SLC47A2: variants seen among roughly 807,000 people sequenced by gnomAD.
SLC47A2 encodes the protein solute carrier family 47 member 2.
Under a neutral mutation model 67.7 loss-of-function variants are expected in SLC47A2, and 52 were observed. That is an observed-to-expected ratio of 0.77 (90% CI 0.61 to 0.97). The LOEUF (loss-of-function observed/expected upper bound fraction) is 0.97. Among genes scored for constraint, SLC47A2 ranks in the 50% least tolerant of loss-of-function variants. The probability of loss-of-function intolerance (pLI) is 0.00; values close to 1 mark genes in which losing one functional copy is unlikely to be tolerated. For synonymous variants in SLC47A2, 278 were observed against 292.9 expected (o/e 0.95, Z 0.52); for missense variants, 676 against 712.3 (o/e 0.95, Z 0.58).
intron 13 of SLC47A2, among the ~76,000 whole-genome samples, chr17:19,684,810 G>A (rs549007807): frequency 5.3e-5 from 8 of 151,428 alleles, no homozygotes; most frequent in Admixed American, 1.3e-4. Flanking sequence ...ACTACTTTTC[G>A]CCCTCTCCCT....
intron 15 of SLC47A2, among the ~76,000 whole-genome samples, chr17:19,680,687 A>G (rs1267998171): frequency 6.6e-6 from 1 of 152,130 alleles, no homozygotes; most frequent in African/African-American, 2.4e-5. Context: ...TAAAAAGGAC[A>G]TCAAAGAGGA....
At chr17:19,708,249 AGAGCTCAGT>A (rs1292781374) in intron 7 of SLC47A2, 44 bp downstream of exon 7, 1 of 1,590,418 alleles carries the variant, frequency 6.3e-7, no homozygotes, top group African/African-American at 1.3e-5. Context: ...CCAGGGGTGG[AGAGCTCAGT>A]GGGCAGTGTC....
intron 15 of SLC47A2, among the ~76,000 whole-genome samples, chr17:19,680,490 ATG>A (rs1252539094): frequency 6.6e-6 from 1 of 152,146 alleles, no homozygotes; most frequent in Non-Finnish European, 1.5e-5. Flanking sequence ...AAATAAATAA[ATG>A]TATCATTTTA....
intron 13 of SLC47A2, among the ~76,000 whole-genome samples, chr17:19,688,457 G>A (rs1284702376): frequency 1.3e-5 from 2 of 152,166 alleles, no homozygotes; most frequent in Non-Finnish European, 2.9e-5. Flanking sequence ...AACAGGACAA[G>A]GATACCCACT....
chr17:19,713,820 CGCACCTGGACACGTCCGGGTCCT>C lies in SLC47A2; in HGVS notation c.425_443+4del. The C allele has an allele frequency of 6.2e-7, 1 of 1,605,976 alleles. No individual in the cohort carries two copies. Among genetic ancestry groups the C allele is most frequent in the Non-Finnish European group, 8.5e-7 (1 of 1,175,396 alleles). On this transcript the variant is annotated splice_donor_variant and splice_donor_region_variant and coding_sequence_variant and intron_variant, in exon 4 of 17. Transcript: ENST00000433844. LOFTEE classifies it high-confidence loss of function. ...CCCCACCTCCCCAGCCGGAGCCCAG[CGCACCTGGACACGTCCGGGTCCT>C]GCCGGAAGAGCAGCAGGATGTGCTG...
intron 9 of SLC47A2, 32 bp downstream of exon 9, chr17:19,706,616 C>G: frequency 6.5e-7 from 1 of 1,527,648 alleles, no homozygotes; most frequent in Non-Finnish European, 8.8e-7. Flanking sequence ...GCCGCCCACA[C>G]GCCATTGCGC....
chr17:19,712,813 G>T, intron 4 of SLC47A2, 68 bp from the exon 5 acceptor site: 2 of 1,494,586 alleles, frequency 1.3e-6, no homozygotes, highest in Non-Finnish European at 1.8e-6. Flanking sequence ...CCTCTCCCCT[G>T]TGTCCTCCAG....
rs748319570 is a variant in SLC47A2, at chr17:19,702,607, A to G, written c.1162T>C (p.Cys388Arg). 6.2e-7 allele frequency: 1 copy of G among 1,613,954 alleles called. No individual in the cohort carries two copies. The highest frequency in any genetic ancestry group is 1.7e-5 in the Admixed American group (1 of 60,008). ...CTTTGGATCAAAGTGGTACTTACACAGATGGCCTCAAACACGTGAAAGACA... is the reference window on the plus strand; with the variant it reads ...CTTTGGATCAAAGTGGTACTTACACGGATGGCCTCAAACACGTGAAAGACA... ...YSVFHVFEAI[C>R]CVYGGVLRGT... is the part of the protein sequence containing the mutation. Residue 388 changes from cysteine (C) to arginine (R), a missense_variant and splice_region_variant, in exon 13 of 17, where the codon TGT (cysteine) becomes CGT (arginine). Transcript: ENST00000433844.
At chr17:19,702,369 T>G in intron 13 of SLC47A2, 1 of 985,446 alleles carries the variant, frequency 1.0e-6, no homozygotes. Flanking sequence ...AATTTTTCAG[T>G]TCTTTGCTAA....
chr17:19,705,339 G>T, intron 10 of SLC47A2, 97 bp downstream of exon 10: 1 of 1,343,442 alleles, frequency 7.4e-7, no homozygotes. Flanking sequence ...TCCTTCGGGA[G>T]ACAGAGATAG....
Position 19,714,777 on chromosome 17 carries a change from A to G in SLC47A2, c.238T>C (p.Cys80Arg). ...VTLAVAFVNVCGVSVGVGLSS... is the reference protein window; with the variant it reads ...VTLAVAFVNVRGVSVGVGLSS... ...AAACCAACTCCTACAGAAACTCCGC[A>G]GACATTGACAAACTGGCGCCACACA... Residue 80 changes from cysteine to arginine, a missense_variant, in exon 3 of 17, where the codon TGC becomes CGC. Transcript: ENST00000433844. 1 of 1,614,110 alleles carries G rather than the reference A, an allele frequency of 6.2e-7. No individual in the cohort carries two copies. The highest frequency in any genetic ancestry group is 8.5e-7 in the Non-Finnish European group (1 of 1,180,054).
At chr17:19,695,753 C>T (rs984799488) in intron 13 of SLC47A2, among the ~76,000 whole-genome samples, 29 of 149,884 alleles carry the variant, frequency 1.9e-4, no homozygotes, top group Admixed American at 3.3e-4. Flanking sequence ...GGTGGAGTTT[C>T]GCTCTTGTCA....
intron 5 of SLC47A2, among the ~76,000 whole-genome samples, 174 bp downstream of exon 5, chr17:19,712,529 A>AT (rs1041319441): frequency 3.3e-5 from 5 of 152,022 alleles, no homozygotes; most frequent in Admixed American, 1.3e-4. Flanking sequence ...ATGTTATACT[A>AT]TTTTTTTTAA....
chr17:19,686,582 T>C (rs961902511), intron 13 of SLC47A2, among the ~76,000 whole-genome samples: 2 of 152,012 alleles, frequency 1.3e-5, no homozygotes, highest in Non-Finnish European at 2.9e-5. Context: ...AAGACACACA[T>C]AGACTGAAAA....
Position 19,679,973 on chromosome 17 carries a change from C to T in SLC47A2, c.1459G>A (p.Glu487Lys). 1 of 1,613,896 alleles carries T rather than the reference C, an allele frequency of 6.2e-7. No homozygotes were observed. Among genetic ancestry groups the T allele is most frequent in the Non-Finnish European group, 8.5e-7 (1 of 1,179,932 alleles). The part of the protein sequence containing the change: ...AESTATRPGP[E>K]KAVLSSVATG... ...TTACCTGAAGATAGGACTGCTTTCT[C>T]AGGCCCAGGTCTGGTTGCAGTGCTC... Residue 487 changes from glutamate (E) to lysine (K), a missense_variant, in exon 16 of 17, where the codon GAG becomes AAG. By Grantham distance (56) the Glu-to-Lys change is moderately conservative (BLOSUM62 1). Transcript: ENST00000433844.
intron 9 of SLC47A2, 36 bp from the exon 10 acceptor site, chr17:19,705,539 C>T (rs1175358877): frequency 1.3e-6 from 2 of 1,593,072 alleles, no homozygotes; most frequent in Non-Finnish European, 1.7e-6. Flanking sequence ...CGGCCCGCAG[C>T]CCCAGACACC....
chr17:19,705,323 G>A, intron 10 of SLC47A2, 113 bp downstream of exon 10: 1 of 1,176,894 alleles, frequency 8.5e-7, no homozygotes, highest in Non-Finnish European at 1.2e-6. Context: ...AGAGGCCCGG[G>A]GAGGGTCCTT....
Position 19,692,922 on chromosome 17 carries a change from G to A in SLC47A2, c.1164+9683C>T, listed in dbSNP as rs547510625. Among the ~76,000 whole-genome samples the A allele has an allele frequency of 2.0e-5, 3 of 152,194 alleles. No individual in the cohort carries two copies. The East Asian group carries it at 5.8e-4, about 29-fold the overall frequency. On this transcript the variant is annotated intron_variant, in intron 13 of 16. Transcript: ENST00000433844. The stretch of plus-strand genomic sequence containing the variant: ...CCGAGGCAGGTGGATCACGAGGTCA[G>A]GAGATCAAGACCATCCTGGCCAACA...
intron 13 of SLC47A2, among the ~76,000 whole-genome samples, chr17:19,701,035 G>C (rs1425267692): frequency 6.6e-6 from 1 of 151,744 alleles, no homozygotes; most frequent in Non-Finnish European, 1.5e-5. Context: ...AGGCATGGGG[G>C]TGCATGCCTG....
Sources: gnomAD v4.1 joint callset for allele counts (sites outside exome capture counted in the v4.1 genomes callset) on GRCh38, gnomAD v4.1.1 for gene constraint, MANE v1.5 for transcripts, NCBI Gene and HGNC (gene_info 2026-07-23, HGNC 2026-07-21) for gene names.